Variants in TPM3 observed in about 807,000 individuals in gnomAD.
TPM3 encodes tropomyosin 3.
In TPM3, 16 loss-of-function variants were observed where a neutral mutation model predicts 43.1. The ratio of observed to expected loss-of-function variants is 0.37; its 90% CI spans 0.25 to 0.56. TPM3 has a LOEUF of 0.56. TPM3 is among the 20% of genes least tolerant of loss of function. TPM3 has a pLI of 0.77. For synonymous variants in TPM3, 101 were observed against 116.9 expected, an observed-to-expected ratio of 0.86 and a Z score of 0.88; for missense variants, 176 against 337.2, an observed-to-expected ratio of 0.52 and a Z score of 3.74.
At chr1:154,174,459 T>C (rs1662060098) in intron 3 of TPM3, among the ~76,000 whole-genome samples, 1 of 134,610 alleles carries the variant, frequency 7.4e-6, no homozygotes, top group South Asian at 2.5e-4. Flanking sequence ...TACTAGACGG[T>C]TCTGCAACTT....
chr1:154,179,269 T>A (rs1662677622), intron 2 of TPM3, among the ~76,000 whole-genome samples: 1 of 152,238 alleles, frequency 6.6e-6, no homozygotes, highest in African/African-American at 2.4e-5. Flanking sequence ...AGTAGAGCTA[T>A]CTGCCCCACA....
chr1:154,182,958 C>G (rs780423708), intron 2 of TPM3: 4 of 1,610,490 alleles, frequency 2.5e-6, no homozygotes, highest in Non-Finnish European at 3.4e-6. Context: ...AGCGCCTGCC[C>G]CTCCCTCATG....
chr1:154,186,769 G>C lies in TPM3; in HGVS notation c.243+4417C>G, dbSNP rs1370610135. On this transcript the variant is annotated intron_variant, in intron 2 of 9. Transcript: ENST00000651641. Reference sequence around the variant, plus strand: ...TGTATGCGTATTTTACCACAACTTAGAAAACAAAGTTAGACAAATTTAGGG... The same window carrying C: ...TGTATGCGTATTTTACCACAACTTACAAAACAAAGTTAGACAAATTTAGGG... Among the ~76,000 whole-genome samples, 3 of 151,594 alleles carry C rather than the reference G, an allele frequency of 2.0e-5. 1 individual carries two copies. Among genetic ancestry groups the C allele is most frequent in the African/African-American group, 7.3e-5 (3 of 40,880 alleles).
At chr1:154,161,437 C>CTTTT (rs966387714), downstream of TPM3, among the ~76,000 whole-genome samples, 12 of 113,422 alleles carry the variant, frequency 1.1e-4, no homozygotes, top group African/African-American at 3.9e-4. Flanking sequence ...TATCAGGATC[C>CTTTT]TTTTTTTTTT....
chr1:154,172,241 C>T, intron 5 of TPM3: 1 of 849,150 alleles, frequency 1.2e-6, no homozygotes, highest in Non-Finnish European at 2.1e-6. Flanking sequence ...CCACCATGGT[C>T]ATGATATGTT....
At position 154,184,427 on chromosome 1, in the gene TPM3, C is replaced by T. The variant is rs1251395019; in HGVS notation, c.243+6759G>A. ...TTTAATCATCAGCTGGGCGTGGTAG[C>T]TCATGTCTGTAAGTCTAGGATTTTG... is the stretch of plus-strand genomic sequence containing the variant. On this transcript the variant is annotated intron_variant, in intron 2 of 9. Transcript: ENST00000651641. Among the ~76,000 whole-genome samples the T allele has an allele frequency of 3.9e-5, 6 of 152,286 alleles. No individual in the cohort carries two copies. The South Asian group carries it at 8.3e-4, about 21-fold the overall frequency.
rs1660439559 is a variant in TPM3 at position 154,162,171 on chromosome 1, T to C, written c.*5766A>G. Among the ~76,000 whole-genome samples the C allele has an allele frequency of 6.6e-6, 1 of 151,546 alleles. No homozygotes were observed. The highest frequency in any genetic ancestry group is 1.5e-5 in the Non-Finnish European group (1 of 67,868). ...AGATCACGAGGTCAGGAGTTTGAGATCAGCCTAACATGTTGAAACCTAGTC... is the reference window on the plus strand; with the variant it reads ...AGATCACGAGGTCAGGAGTTTGAGACCAGCCTAACATGTTGAAACCTAGTC... On this transcript the variant is annotated 3_prime_UTR_variant, in exon 10 of 10. Coordinates refer to ENST00000651641, the MANE Select transcript of TPM3 (RefSeq NM_152263.4).
intron 2 of TPM3, among the ~76,000 whole-genome samples, chr1:154,184,871 ATCACTGC>A (rs1663333628): frequency 3.3e-5 from 5 of 151,722 alleles, no homozygotes; most frequent in Non-Finnish European, 7.4e-5. Flanking sequence ...CCAAGATTGT[ATCACTGC>A]CTCCAGTCTG....
At chr1:154,175,330 CAAAAAAAAAA>C (rs34360728) in intron 3 of TPM3, among the ~76,000 whole-genome samples, 2 of 89,528 alleles carry the variant, frequency 2.2e-5, no homozygotes, top group Non-Finnish European at 4.4e-5. Flanking sequence ...GACTCTGTCT[CAAAAAAAAAA>C]AAAAAAAAAA....
At chr1:154,168,612 C>T (rs181577049) in intron 9 of TPM3, among the ~76,000 whole-genome samples, 11 of 152,258 alleles carry the variant, frequency 7.2e-5, no homozygotes, top group African/African-American at 4.8e-5. Flanking sequence ...ACCTCCATCT[C>T]CTGGTTTCAA....
At chr1:154,170,333 G>A (rs1661428090) in intron 8 of TPM3, 67 bp downstream of exon 8, 5 of 1,547,210 alleles carry the variant, frequency 3.2e-6, no homozygotes, top group Non-Finnish European at 3.6e-6. Flanking sequence ...CAGAAAAAGA[G>A]ATTAATGGTT....
chr1:154,183,249 C>T, intron 2 of TPM3: 1 of 1,529,060 alleles, frequency 6.5e-7, no homozygotes, highest in Non-Finnish European at 8.8e-7. Context: ...CCGGATGTGA[C>T]GTCCCTCTGC....
intron 2 of TPM3, among the ~76,000 whole-genome samples, chr1:154,183,450 G>T (rs1663210084): frequency 6.6e-6 from 1 of 152,142 alleles, no homozygotes; most frequent in Admixed American, 6.6e-5. Context: ...AGCCTCTCCC[G>T]CCAGGCTGGC....
intron 9 of TPM3, among the ~76,000 whole-genome samples, chr1:154,169,025 G>A (rs1046751336): frequency 6.9e-6 from 1 of 145,472 alleles, no homozygotes; most frequent in African/African-American, 2.6e-5. Context: ...TAGTAGAGAC[G>A]GGGTTTCACC....
chr1:154,191,548 T>C (rs1246842113), intron 1 of TPM3: 4 of 1,324,044 alleles, frequency 3.0e-6, no homozygotes, highest in Non-Finnish European at 4.0e-6. Context: ...CCAAGACCCC[T>C]GGATGATAAA....
chr1:154,175,570 T>G (rs530916270), intron 3 of TPM3, among the ~76,000 whole-genome samples: 2 of 152,272 alleles, frequency 1.3e-5, no homozygotes, highest in South Asian at 4.1e-4. Context: ...CAGATCAGCA[T>G]AGGAGCTGAG....
chr1:154,169,873 A>G lies in TPM3; in HGVS notation c.776-490T>C, dbSNP rs145138395. The G allele has an allele frequency of 2.1e-4, 51 of 246,650 alleles. No homozygotes were observed. In the East Asian group the frequency reaches 5.0e-3, roughly 24 times the overall value. The allele number at this position is 246,650 out of a possible 1,614,324, so 15.3% of individuals were successfully genotyped here. A position where few individuals can be genotyped will look rare whatever the true frequency, so the allele number is the denominator to read the frequency against. On this transcript the variant is annotated intron_variant, in intron 8 of 9. Transcript: ENST00000651641. ...GAGCATACATCAGAGTTCTCAAAGC[A>G]AAGAGTACGTTCCCTTGTCAGGGTG... is the stretch of plus-strand genomic sequence containing the variant.
At chr1:154,175,850 T>A (rs1295424402) in intron 3 of TPM3, among the ~76,000 whole-genome samples, 1 of 151,774 alleles carries the variant, frequency 6.6e-6, no homozygotes. Context: ...TGTGATGGAG[T>A]TAGTATTTTA....
At chr1:154,170,770 C>G (rs1322637981) in intron 6 of TPM3, 59 bp from the exon 7 acceptor site, 11 of 1,122,096 alleles carry the variant, frequency 9.8e-6, no homozygotes, top group Admixed American at 1.7e-5. Context: ...GGCAATACCC[C>G]CCTCCCTACA....
Sources: allele counts gnomAD v4.1 joint callset (sites outside exome capture counted in the v4.1 genomes callset), GRCh38; gene constraint gnomAD v4.1.1; transcripts MANE v1.5; gene names NCBI Gene and HGNC (gene_info 2026-07-23, HGNC 2026-07-21).